Variants in NKAIN2 observed in about 807,000 individuals in gnomAD.
NKAIN2 encodes the protein sodium/potassium transporting ATPase interacting 2.
NKAIN2 carries 14 observed loss-of-function variants against 32.6 expected under a neutral mutation model. The ratio of observed to expected loss-of-function variants is 0.43; its 90% CI spans 0.28 to 0.67. The LOEUF (loss-of-function observed/expected upper bound fraction) is 0.67, where lower values mean the gene tolerates loss of function less well. Ranked by LOEUF, NKAIN2 falls within the 30% of genes least tolerant of loss-of-function variation. The probability of loss-of-function intolerance (pLI) is 0.17; values close to 1 mark genes in which losing one functional copy is unlikely to be tolerated. For synonymous variants in NKAIN2, 80 were observed against 87.2 expected, an observed-to-expected ratio of 0.92 and a Z score of 0.46; for missense variants, 198 against 258.3, an observed-to-expected ratio of 0.77 and a Z score of 1.60.
chr6:124,455,589 CTT>C (rs1776288774), intron 3 of NKAIN2, among the ~76,000 whole-genome samples: 1 of 151,690 alleles, frequency 6.6e-6, no homozygotes, highest in Non-Finnish European at 1.5e-5. Context: ...TTTTTAGTCT[CTT>C]TGGTTTGATT....
intron 3 of NKAIN2, among the ~76,000 whole-genome samples, chr6:124,523,086 T>G (rs1321745494): frequency 1.3e-5 from 1 of 77,516 alleles, no homozygotes; most frequent in Non-Finnish European, 3.1e-5. Context: ...GAGCTTGCAG[T>G]GAGCCGAGAT....
At chr6:124,294,956 G>A (rs764390104) in intron 2 of NKAIN2, among the ~76,000 whole-genome samples, 4 of 152,050 alleles carry the variant, frequency 2.6e-5, no homozygotes, top group African/African-American at 7.2e-5. Context: ...TAAAAGAAAT[G>A]TTTGGCTGCA....
chr6:124,744,645 A>G (rs1777372921), intron 4 of NKAIN2, among the ~76,000 whole-genome samples: 1 of 151,810 alleles, frequency 6.6e-6, no homozygotes. Flanking sequence ...TTCGAAAGTA[A>G]GTACATTTAT....
At chr6:124,601,594 C>T (rs969572477) in intron 3 of NKAIN2, among the ~76,000 whole-genome samples, 11 of 151,972 alleles carry the variant, frequency 7.2e-5, no homozygotes, top group Non-Finnish European at 1.5e-4. Context: ...CAGATTTTTA[C>T]TGTAGGAAGT....
In NKAIN2 at chr6:124,277,461, C is replaced by CTG. The variant is rs144605560; in HGVS notation, c.55-5530_55-5529dup. On this transcript the variant is annotated intron_variant, in intron 1 of 6. Transcript: ENST00000368417. ...TGTGTGTGTGTGTGTGTGTGTGTATCTGTGTGTGTGTGTGTCTGTGTAAGA... is the reference window on the plus strand; with the variant it reads ...TGTGTGTGTGTGTGTGTGTGTGTATCTGTGTGTGTGTGTGTGTCTGTGTAAGA... Among the ~76,000 whole-genome samples the CTG allele has an allele frequency of 2.9e-3, 432 of 146,792 alleles. 2 individuals are homozygous for CTG. Among genetic ancestry groups the CTG allele is most frequent in the African/African-American group, 0.01 (408 of 40,000 alleles).
chr6:124,560,006 C>A (rs1780630601), intron 3 of NKAIN2, among the ~76,000 whole-genome samples: 1 of 151,920 alleles, frequency 6.6e-6, no homozygotes, highest in African/African-American at 2.4e-5. Flanking sequence ...ACCTTTAGGT[C>A]AAAATATGAG....
chr6:124,130,741 A>AT (rs1461302740), intron 1 of NKAIN2, among the ~76,000 whole-genome samples: 3 of 151,986 alleles, frequency 2.0e-5, no homozygotes, highest in Non-Finnish European at 2.9e-5. Flanking sequence ...TTTTAGGATG[A>AT]TTTTTTTAAA....
chr6:124,825,526 T>A lies in NKAIN2; in HGVS notation c.*2297T>A, dbSNP rs1781549414. 1.3e-5 allele frequency: 2 copies of A among 152,642 alleles called. No individual in the cohort carries two copies. Among genetic ancestry groups the A allele is most frequent in the Admixed American group, 1.3e-4 (2 of 15,266 alleles). The allele number at this position is 152,642 out of a possible 1,614,324, so 9.5% of individuals were successfully genotyped here. A position where few individuals can be genotyped will look rare whatever the true frequency, so the allele number is the denominator to read the frequency against. ...AATATTCAGAAGGCAAGGGTTATGATCCTGATGTGTCCTTTTTTTTTGCAT... is the reference window on the plus strand; with the variant it reads ...AATATTCAGAAGGCAAGGGTTATGAACCTGATGTGTCCTTTTTTTTTGCAT... On this transcript the variant is annotated 3_prime_UTR_variant, in exon 7 of 7. Coordinates refer to ENST00000368417, the MANE Select transcript of NKAIN2 (RefSeq NM_001040214.3).
At chr6:123,823,921 G>A (rs1202438606) in intron 1 of NKAIN2, among the ~76,000 whole-genome samples, 1 of 152,058 alleles carries the variant, frequency 6.6e-6, no homozygotes, top group Non-Finnish European at 1.5e-5. Context: ...GACTTAAGAA[G>A]AAATAAGTAG....
chr6:124,482,518 C>A (rs1777494726), intron 3 of NKAIN2, among the ~76,000 whole-genome samples: 3 of 152,154 alleles, frequency 2.0e-5, no homozygotes, highest in Non-Finnish European at 4.4e-5. Flanking sequence ...TTGGGAATTT[C>A]TTTGCTTTTG....
intron 1 of NKAIN2, among the ~76,000 whole-genome samples, chr6:123,830,535 A>T (rs945967755): frequency 1.3e-5 from 2 of 152,090 alleles, no homozygotes; most frequent in Non-Finnish European, 2.9e-5. Flanking sequence ...TCTTGTTCTC[A>T]CGTAGTTTAC....
At chr6:124,285,077 A>G (rs1795475333) in intron 2 of NKAIN2, among the ~76,000 whole-genome samples, 1 of 152,188 alleles carries the variant, frequency 6.6e-6, no homozygotes, top group South Asian at 2.1e-4. Context: ...TTCTGAGGCT[A>G]TTAGACACAA....
chr6:124,739,747 C>T (rs370899040), intron 4 of NKAIN2, among the ~76,000 whole-genome samples: 8 of 151,980 alleles, frequency 5.3e-5, no homozygotes, highest in African/African-American at 1.7e-4. Context: ...ACTGCATCAA[C>T]CTGATGCCTA....
At chr6:123,933,256 A>G (rs1776340868) in intron 1 of NKAIN2, among the ~76,000 whole-genome samples, 1 of 152,210 alleles carries the variant, frequency 6.6e-6, no homozygotes, top group Admixed American at 6.5e-5. Flanking sequence ...TTAATGTTGC[A>G]TTAAGAAAAA....
At chr6:123,848,890 T>C (rs1170847443) in intron 1 of NKAIN2, among the ~76,000 whole-genome samples, 1 of 152,224 alleles carries the variant, frequency 6.6e-6, no homozygotes, top group African/African-American at 2.4e-5. Flanking sequence ...TTCCCACTAC[T>C]ACATCCACAA....
intron 4 of NKAIN2, among the ~76,000 whole-genome samples, chr6:124,719,659 T>C (rs1267554546): frequency 6.6e-6 from 1 of 151,740 alleles, no homozygotes; most frequent in Non-Finnish European, 1.5e-5. Context: ...TTTCTTCTCC[T>C]AGAAAGTAAA....
At chr6:123,804,349 GA>G in intron 1 of NKAIN2, 95 bp downstream of exon 1, 3 of 1,055,822 alleles carry the variant, frequency 2.8e-6, no homozygotes, top group Non-Finnish European at 3.0e-6. Context: ...TAGAATGGAC[GA>G]AAAAGATAAA....
intron 1 of NKAIN2, among the ~76,000 whole-genome samples, chr6:123,971,674 A>G (rs1374328953): frequency 6.6e-6 from 1 of 152,172 alleles, no homozygotes; most frequent in Admixed American, 6.5e-5. Flanking sequence ...GATATACAAC[A>G]TTGGCTGGAG....
intron 1 of NKAIN2, among the ~76,000 whole-genome samples, chr6:124,139,079 A>ATTTTTT (rs900247440): frequency 0.035 from 3,434 of 99,248 alleles, 207 homozygotes; most frequent in Non-Finnish European, 0.042. Context: ...TTAAATAAAA[A>ATTTTTT]TTTTTTTTTT....
Sources: gnomAD v4.1 joint callset for allele counts (sites outside exome capture counted in the v4.1 genomes callset) on GRCh38, gnomAD v4.1.1 for gene constraint, MANE v1.5 for transcripts, NCBI Gene and HGNC (gene_info 2026-07-23, HGNC 2026-07-21) for gene names.